Variants in MYO9A observed in about 807,000 individuals in gnomAD.
MYO9A encodes myosin IXA.
MYO9A carries 103 observed loss-of-function variants against 293.3 expected under a neutral mutation model. That is an observed-to-expected ratio of 0.35 (90% CI 0.30 to 0.41). The LOEUF is 0.41. Ranked by LOEUF, MYO9A falls within the 10% of genes least tolerant of loss-of-function variation. The probability of loss-of-function intolerance (pLI) is 1.00; values close to 1 mark genes in which losing one functional copy is unlikely to be tolerated. For missense variants in MYO9A, 2,685 were observed against 3,033.0 expected, an observed-to-expected ratio of 0.89 and a Z score of 2.69; for synonymous variants, 1,001 against 1,035.7, an observed-to-expected ratio of 0.97 and a Z score of 0.64.
At chr15:71,850,921 T>C (rs935649096) in intron 37 of MYO9A, among the ~76,000 whole-genome samples, 1 of 152,166 alleles carries the variant, frequency 6.6e-6, no homozygotes, top group East Asian at 1.9e-4. Flanking sequence ...TTCCTGAGAA[T>C]GATCTGAACC....
chr15:72,040,884 A>G (rs2078207580), intron 2 of MYO9A, among the ~76,000 whole-genome samples: 1 of 152,222 alleles, frequency 6.6e-6, no homozygotes, highest in African/African-American at 2.4e-5. Flanking sequence ...ATAGCAGTAC[A>G]AGCAGTACCT....
intron 19 of MYO9A, among the ~76,000 whole-genome samples, chr15:71,910,088 GTATATA>G (rs1471567041): frequency 7.2e-6 from 1 of 139,524 alleles, no homozygotes; most frequent in Non-Finnish European, 1.5e-5. Context: ...ATATATACAC[GTATATA>G]TATATACGTA....
rs865917027 is a variant in MYO9A, at chr15:71,901,280, G to A, written c.3061C>T (p.Arg1021Cys). The A allele has an allele frequency of 1.7e-5, 27 of 1,613,784 alleles. No individual in the cohort carries two copies. The highest frequency in any genetic ancestry group is 2.0e-5 in the Non-Finnish European group (24 of 1,179,932). The change falls in exon 23 of 42, where the codon CGC becomes TGC. Residue 1021 changes from arginine to cysteine, a missense_variant. Coordinates refer to ENST00000356056, the MANE Select transcript of MYO9A (RefSeq NM_006901.4). ...LQDLLHQEVL[R>C]RIILLQRWFR... ...CATCGCTGCAACAATATGATTCTGC[G>A]GAGCACCTCTTGGTGAAGCAGATCT... is the stretch of plus-strand genomic sequence containing the variant.
In MYO9A at chr15:72,118,082, GC is replaced by G. The variant is rs935865966; in HGVS notation, c.-475del. The G allele has an allele frequency of 1.5e-5, 6 of 393,508 alleles. No individual in the cohort carries two copies. The highest frequency in any genetic ancestry group is 2.7e-5 in the Non-Finnish European group (6 of 222,884). The allele number at this position is 393,508 out of a possible 1,614,324, so 24.4% of individuals were successfully genotyped here. A position where few individuals can be genotyped will look rare whatever the true frequency, so the allele number is the denominator to read the frequency against. Reference sequence around the variant, plus strand: ...CGTCCCTTATCCGCTTCGGTCGCGCGCCCCCGACCCCGCGCACGCGGCCCCG... The same window carrying G: ...CGTCCCTTATCCGCTTCGGTCGCGCGCCCCGACCCCGCGCACGCGGCCCCG... On this transcript the variant is annotated 5_prime_UTR_variant, in exon 1 of 42. Coordinates refer to ENST00000356056, the MANE Select transcript of MYO9A (RefSeq NM_006901.4).
rs772180444 is a variant in MYO9A at position 71,879,678 on chromosome 15, A to C, written c.5739+43T>G. ...CTTCTACAGCGCTATCAAATTTTTC[A>C]TATGTTGAACTACTAAATATCTCCT... is the stretch of plus-strand genomic sequence containing the variant. On this transcript the variant is annotated intron_variant, in intron 30 of 41. Coordinates refer to ENST00000356056, the MANE Select transcript of MYO9A (RefSeq NM_006901.4). The C allele has an allele frequency of 2.8e-6, 4 of 1,413,970 alleles. No individual in the cohort carries two copies. In the African/African-American group the frequency reaches 4.3e-5, roughly 15 times the overall value. 87.6% of individuals were successfully genotyped at this position (1,413,970 alleles called of 1,614,324 possible).
chr15:71,992,431 G>A (rs1262437866), intron 10 of MYO9A, among the ~76,000 whole-genome samples: 1 of 152,124 alleles, frequency 6.6e-6, no homozygotes, highest in Non-Finnish European at 1.5e-5. Context: ...AAACTGATAT[G>A]ATGAATGAAA....
At chr15:72,043,307 A>G (rs1461838869) in intron 2 of MYO9A, among the ~76,000 whole-genome samples, 1 of 152,208 alleles carries the variant, frequency 6.6e-6, no homozygotes, top group Non-Finnish European at 1.5e-5. Flanking sequence ...AAATTAAAGA[A>G]CTTAATAAAA....
At chr15:71,858,077 G>A (rs1359462384) in intron 34 of MYO9A, among the ~76,000 whole-genome samples, 1 of 152,308 alleles carries the variant, frequency 6.6e-6, no homozygotes. Context: ...ATACCAGCTG[G>A]AATGGCGATC....
intron 9 of MYO9A, 37 bp downstream of exon 9, chr15:71,999,814 T>C (rs765327296): frequency 1.3e-6 from 2 of 1,549,860 alleles, no homozygotes; most frequent in East Asian, 2.3e-5. Flanking sequence ...TCTAACAATG[T>C]CCAGAATGCT....
intron 19 of MYO9A, among the ~76,000 whole-genome samples, chr15:71,915,873 A>G (rs1431338333): frequency 6.6e-6 from 1 of 152,198 alleles, no homozygotes; most frequent in Non-Finnish European, 1.5e-5. Context: ...TGAAAAAATT[A>G]TTCTGGAAGA....
At chr15:71,852,358 G>GTTTAT in intron 35 of MYO9A, 98 bp from the exon 36 acceptor site, 1 of 706,284 alleles carries the variant, frequency 1.4e-6, no homozygotes, top group Non-Finnish European at 2.0e-6. Flanking sequence ...AAGGCTTCAT[G>GTTTAT]TTTCTTTTTT....
Position 71,918,093 on chromosome 15 carries a change from C to T in MYO9A, c.2563-1601G>A, listed in dbSNP as rs1596188666. ...AATGGCAAGTAACAAAACCACAATCCATTCAATCTCACTTGTATTGAAGGA... is the reference window on the plus strand; with the variant it reads ...AATGGCAAGTAACAAAACCACAATCTATTCAATCTCACTTGTATTGAAGGA... On this transcript the variant is annotated intron_variant, in intron 18 of 41. Coordinates refer to ENST00000356056, the MANE Select transcript of MYO9A (RefSeq NM_006901.4). Among the ~76,000 whole-genome samples the T allele has an allele frequency of 3.9e-5, 6 of 152,126 alleles. 1 individual carries two copies. Among genetic ancestry groups the T allele is most frequent in the Admixed American group, 3.3e-4 (5 of 15,274 alleles).
intron 1 of MYO9A, among the ~76,000 whole-genome samples, chr15:72,100,890 CGG>C (rs2080268748): frequency 6.9e-6 from 1 of 144,880 alleles, no homozygotes; most frequent in Admixed American, 6.7e-5. Context: ...AGCCCCCCGC[CGG>C]CCAGCCGCCC....
intron 15 of MYO9A, 145 bp downstream of exon 15, chr15:71,951,632 T>G: frequency 1.2e-6 from 1 of 839,402 alleles, no homozygotes; most frequent in East Asian, 2.6e-5. Flanking sequence ...TACTAAAGAC[T>G]CAATAGAAAT....
chr15:72,033,717 A>G (rs2077949875), intron 2 of MYO9A, among the ~76,000 whole-genome samples: 1 of 152,260 alleles, frequency 6.6e-6, no homozygotes, highest in African/African-American at 2.4e-5. Context: ...TGGTGGTCAC[A>G]TGGATATATA....
At chr15:71,832,664 C>T (rs1043901397) in intron 39 of MYO9A, among the ~76,000 whole-genome samples, 2 of 152,136 alleles carry the variant, frequency 1.3e-5, no homozygotes, top group East Asian at 3.9e-4. Context: ...GAGAATCTCA[C>T]ACCAGCAGAC....
chr15:72,095,891 C>A (rs2080046625), intron 1 of MYO9A, among the ~76,000 whole-genome samples: 1 of 151,748 alleles, frequency 6.6e-6, no homozygotes, highest in South Asian at 2.1e-4. Flanking sequence ...ACCAGCCTGG[C>A]CAACATGGTG....
intron 18 of MYO9A, among the ~76,000 whole-genome samples, chr15:71,927,452 T>C (rs547517219): frequency 1.3e-5 from 2 of 152,282 alleles, no homozygotes; most frequent in Admixed American, 1.3e-4. Context: ...CATAGAGTTT[T>C]CCCCGTATGT....
At chr15:72,047,232 AAGG>A (rs1280990446) in intron 1 of MYO9A, among the ~76,000 whole-genome samples, 6 of 152,352 alleles carry the variant, frequency 3.9e-5, no homozygotes, top group East Asian at 1.9e-4. Context: ...ACAAGGTGGG[AAGG>A]AGAAGGGAGT....
Sources: allele counts gnomAD v4.1 joint callset (sites outside exome capture counted in the v4.1 genomes callset), GRCh38; gene constraint gnomAD v4.1.1; transcripts MANE v1.5; gene names NCBI Gene and HGNC (gene_info 2026-07-23, HGNC 2026-07-21).